Variants in C12orf54 observed in about 807,000 individuals in gnomAD.
C12orf54 encodes the protein chromosome 12 open reading frame 54.
In C12orf54, 24 loss-of-function variants were observed where a neutral mutation model predicts 26.4. The ratio of observed to expected loss-of-function variants is 0.91; its 90% confidence interval spans 0.66 to 1.28. C12orf54 has a LOEUF of 1.28. Ranked by LOEUF, C12orf54 falls within the 50% of genes most tolerant of loss-of-function variation. The pLI, the probability that C12orf54 is intolerant of heterozygous loss-of-function variation, is 0.00. For synonymous variants in C12orf54, 54 were observed against 47.0 expected (o/e 1.15, Z -0.61); for missense variants, 154 against 150.9 (o/e 1.02, Z -0.11).
At chr12:48,475,587 T>C in the C12orf54 span, among the ~76,000 whole-genome samples, 3 of 152,114 alleles carry the variant, frequency 2.0e-5, no homozygotes, top group African/African-American at 7.2e-5. Flanking sequence ...GCACGAGAGC[T>C]ACATGATGAA....
At chr12:48,475,612 T>G in the C12orf54 span, among the ~76,000 whole-genome samples, 1 of 152,192 alleles carries the variant, frequency 6.6e-6, no homozygotes, top group Non-Finnish European at 1.5e-5. Flanking sequence ...GAAGCCTCAC[T>G]AGCTGATGCG....
chr12:48,424,671 C>A, the C12orf54 span, among the ~76,000 whole-genome samples: 18 of 152,112 alleles, frequency 1.2e-4, no homozygotes, highest in Non-Finnish European at 4.4e-5. Context: ...TAAACACATA[C>A]TTACCATGTG....
intron 7 of C12orf54, among the ~76,000 whole-genome samples, chr12:48,493,528 A>G (rs193218319): frequency 2.2e-4 from 33 of 150,168 alleles, no homozygotes; most frequent in Non-Finnish European, 3.0e-5. Flanking sequence ...GCTGAGGTGA[A>G]AGGACAACCT....
chr12:48,428,443 G>C, the C12orf54 span, among the ~76,000 whole-genome samples: 2 of 151,786 alleles, frequency 1.3e-5, no homozygotes, highest in African/African-American at 2.4e-5. Flanking sequence ...AACAAAAGAA[G>C]ACAGAAAATC....
the C12orf54 span, chr12:48,441,895 A>G: frequency 6.6e-6 from 1 of 151,896 alleles, no homozygotes; most frequent in Non-Finnish European, 1.5e-5. Flanking sequence ...TAAATTTTCC[A>G]CCTTTTCTTA....
At position 48,487,677 on chromosome 12, in the gene C12orf54, C is replaced by T. The variant is rs575450741; in HGVS notation, c.135+951C>T. The T allele has an allele frequency of 1.5e-3, 264 of 173,772 alleles. 1 individual carries two copies. Among genetic ancestry groups the T allele is most frequent in the African/African-American group, 5.5e-3 (233 of 42,438 alleles). 10.8% of individuals were successfully genotyped at this position (173,772 alleles called of 1,614,324 possible). The stretch of plus-strand genomic sequence containing the variant: ...CAATGAATTGATCATTGAGAGGCAA[C>T]GAATTAATCATTGGCACACTCTACC... On this transcript the variant is annotated intron_variant, in intron 4 of 8. Transcript: ENST00000548364.
chr12:48,479,340 C>A (rs1954175299), upstream of C12orf54, among the ~76,000 whole-genome samples: 1 of 152,036 alleles, frequency 6.6e-6, no homozygotes. Flanking sequence ...GGAAGGGGAA[C>A]ATCACACGTT....
chr12:48,466,536 C>T, the C12orf54 span, among the ~76,000 whole-genome samples: 2 of 81,844 alleles, frequency 2.4e-5, no homozygotes, highest in Non-Finnish European at 5.9e-5. Flanking sequence ...AAGCGTGAAA[C>T]TTTGCCTTAA....
chr12:48,460,582 T>A, the C12orf54 span, among the ~76,000 whole-genome samples: 1,895 of 152,292 alleles, frequency 0.012, 44 homozygotes, highest in African/African-American at 0.041. Flanking sequence ...ATTTTAATGA[T>A]AATTGACTAT....
At chr12:48,435,422 T>C in the C12orf54 span, among the ~76,000 whole-genome samples, 4 of 152,144 alleles carry the variant, frequency 2.6e-5, no homozygotes, top group Admixed American at 2.6e-4. Flanking sequence ...GCCACAAAGA[T>C]ACTCCTTAAG....
At chr12:48,439,067 A>T in the C12orf54 span, among the ~76,000 whole-genome samples, 4 of 152,170 alleles carry the variant, frequency 2.6e-5, no homozygotes, top group African/African-American at 7.2e-5. Flanking sequence ...AAGAAAAAAA[A>T]CAAACAACCC....
At chr12:48,447,597 T>G in the C12orf54 span, among the ~76,000 whole-genome samples, 28 of 152,152 alleles carry the variant, frequency 1.8e-4, no homozygotes, top group African/African-American at 6.8e-4. Context: ...CTCTAATCTA[T>G]TCCTCCCTAT....
chr12:48,457,392 G>A, the C12orf54 span, among the ~76,000 whole-genome samples: 1 of 152,004 alleles, frequency 6.6e-6, no homozygotes, highest in African/African-American at 2.4e-5. Context: ...GGAGTGTGAT[G>A]TCTTGATCTC....
chr12:48,467,877 T>C, the C12orf54 span, among the ~76,000 whole-genome samples: 4 of 152,162 alleles, frequency 2.6e-5, no homozygotes, highest in African/African-American at 9.6e-5. Context: ...ACTTAGCTAT[T>C]TTAGATGATA....
chr12:48,467,122 G>C, the C12orf54 span, among the ~76,000 whole-genome samples: 1 of 152,112 alleles, frequency 6.6e-6, no homozygotes, highest in Non-Finnish European at 1.5e-5. Context: ...TGAGACCTAA[G>C]TCTAATGACA....
the C12orf54 span, among the ~76,000 whole-genome samples, chr12:48,476,712 T>G: frequency 0.34 from 51,035 of 151,810 alleles, 10,915 homozygotes; most frequent in Middle Eastern, 0.48. Context: ...TAAATATATA[T>G]GCACCCAATA....
the C12orf54 span, among the ~76,000 whole-genome samples, chr12:48,413,802 T>C: frequency 1.2e-3 from 185 of 152,344 alleles, no homozygotes; most frequent in African/African-American, 4.3e-3. Flanking sequence ...CTACCTACTT[T>C]GTATTGCTTG....
At chr12:48,438,739 T>C in the C12orf54 span, among the ~76,000 whole-genome samples, 8 of 152,204 alleles carry the variant, frequency 5.3e-5, no homozygotes, top group African/African-American at 1.7e-4. Flanking sequence ...CCTTACATCT[T>C]ATACAAAAAT....
chr12:48,466,472 G>A, the C12orf54 span, among the ~76,000 whole-genome samples: 2 of 152,036 alleles, frequency 1.3e-5, no homozygotes, highest in Non-Finnish European at 2.9e-5. Flanking sequence ...TTGAACTGGG[G>A]AGGTGAATGT....
Sources: allele counts gnomAD v4.1 joint callset (sites outside exome capture counted in the v4.1 genomes callset), GRCh38; gene constraint gnomAD v4.1.1; transcripts MANE v1.5; gene names NCBI Gene and HGNC (gene_info 2026-07-23, HGNC 2026-07-21).